The following ABLIM1 variants were observed in gnomAD, a reference collection of about 807,000 sequenced individuals.
The protein encoded by ABLIM1 is actin binding LIM protein 1.
A neutral mutation model predicts 107.0 loss-of-function variants in ABLIM1; 40 were observed. That is an observed-to-expected ratio of 0.37 (90% CI 0.29 to 0.49). The LOEUF is 0.49. Ranked by LOEUF, ABLIM1 falls within the 20% of genes least tolerant of loss-of-function variation. The probability of loss-of-function intolerance (pLI) is 0.97; values close to 1 mark genes in which losing one functional copy is unlikely to be tolerated. For missense variants in ABLIM1, 857 were observed against 1,008.5 expected, an observed-to-expected ratio of 0.85 and a Z score of 2.04; for synonymous variants, 357 against 357.3, an observed-to-expected ratio of 1.00 and a Z score of 0.01.
chr10:114,632,313 C>T (rs984164794), intron 1 of ABLIM1: 34 of 985,326 alleles, frequency 3.5e-5, no homozygotes, highest in Non-Finnish European at 4.0e-5. Context: ...CGAACGCTGG[C>T]CCCCTCCCAC....
At chr10:114,685,818 G>A (rs542616065), upstream of ABLIM1, among the ~76,000 whole-genome samples, 34 of 152,312 alleles carry the variant, frequency 2.2e-4, no homozygotes, top group African/African-American at 7.7e-4. Flanking sequence ...TTTTTTGTTA[G>A]TGTCTTGGGA....
At chr10:114,700,002 T>G (rs2081276394) in intron 1 of ABLIM1, among the ~76,000 whole-genome samples, 1 of 152,172 alleles carries the variant, frequency 6.6e-6, no homozygotes, top group Non-Finnish European at 1.5e-5. Flanking sequence ...CTCACTATGT[T>G]GTCCAAGCTG....
chr10:114,512,634 G>A (rs1021011960), intron 6 of ABLIM1, among the ~76,000 whole-genome samples: 2 of 152,116 alleles, frequency 1.3e-5, no homozygotes, highest in African/African-American at 4.8e-5. Flanking sequence ...AGACCAGCCT[G>A]GGCAACATGA....
chr10:114,645,227 CAA>C (rs1488516252), intron 1 of ABLIM1, among the ~76,000 whole-genome samples: 9 of 152,138 alleles, frequency 5.9e-5, no homozygotes, highest in Admixed American at 5.9e-4. Flanking sequence ...AAGCAGCTAT[CAA>C]ACAATGGTGA....
chr10:114,675,093 GATGTTCCCT>G (rs1048026401), intron 1 of ABLIM1, among the ~76,000 whole-genome samples: 21 of 152,088 alleles, frequency 1.4e-4, no homozygotes, highest in African/African-American at 4.3e-4. Flanking sequence ...CTATGTCCCA[GATGTTCCCT>G]ATGTTCCCTA....
intron 12 of ABLIM1, among the ~76,000 whole-genome samples, chr10:114,455,874 G>A (rs1363958626): frequency 1.3e-5 from 2 of 150,142 alleles, no homozygotes; most frequent in Admixed American, 1.3e-4. Context: ...GTGCAGTGGC[G>A]CGATCTTGGC....
At chr10:114,518,306 T>C (rs1276549661) in intron 6 of ABLIM1, among the ~76,000 whole-genome samples, 1 of 151,784 alleles carries the variant, frequency 6.6e-6, no homozygotes, top group East Asian at 1.9e-4. Context: ...CCTCTGGGAG[T>C]GGGTTTTTTT....
At chr10:114,796,233 T>C in the ABLIM1 span, among the ~76,000 whole-genome samples, 10 of 152,202 alleles carry the variant, frequency 6.6e-5, no homozygotes, top group Admixed American at 3.3e-4. Flanking sequence ...TTTCTGTGGG[T>C]TGGGAATTCA....
upstream of ABLIM1, among the ~76,000 whole-genome samples, chr10:114,686,964 T>C (rs2080955666): frequency 6.6e-6 from 1 of 152,140 alleles, no homozygotes; most frequent in South Asian, 2.1e-4. Flanking sequence ...CAATGGAGCT[T>C]ATACCATGTC....
chr10:114,615,815 G>GA lies in ABLIM1; in HGVS notation c.245-13855dup, dbSNP rs535466258. 6.2e-3 allele frequency among the ~76,000 whole-genome samples: 789 copies of GA among 127,790 alleles called. 6 individuals are homozygous for GA. The highest frequency in any genetic ancestry group is 7.6e-3 in the Middle Eastern group (2 of 262). 83.8% of individuals were successfully genotyped at this position (127,790 alleles called of 152,430 possible). A position where few individuals can be genotyped will look rare whatever the true frequency, so the allele number is the denominator to read the frequency against. On this transcript the variant is annotated intron_variant, in intron 1 of 22. Transcript: ENST00000533213. Reference sequence around the variant, plus strand: ...AAGACTCATTTAAGTCTCTGACTCAGAAAAAAAAAAAAAACAGCTGAAGGA... The same window carrying GA: ...AAGACTCATTTAAGTCTCTGACTCAGAAAAAAAAAAAAAAACAGCTGAAGGA...
chr10:114,640,794 T>C (rs938192505), intron 1 of ABLIM1, among the ~76,000 whole-genome samples: 17 of 152,136 alleles, frequency 1.1e-4, no homozygotes, highest in Admixed American at 1.0e-3. Flanking sequence ...TGACATTAAA[T>C]AGAAAATAAG....
At chr10:114,664,559 T>TTTTA (rs1566202198) in intron 1 of ABLIM1, among the ~76,000 whole-genome samples, 3 of 151,956 alleles carry the variant, frequency 2.0e-5, no homozygotes, top group Non-Finnish European at 4.4e-5. Context: ...ATTTTATTTT[T>TTTTA]TTTTGAGAAG....
intron 2 of ABLIM1, among the ~76,000 whole-genome samples, chr10:114,588,910 G>C (rs1189120611): frequency 6.6e-6 from 1 of 151,950 alleles, no homozygotes; most frequent in Non-Finnish European, 1.5e-5. Flanking sequence ...GTCCAACAAA[G>C]CAGTGGTTCT....
chr10:114,520,712 T>G (rs913611219), intron 6 of ABLIM1, among the ~76,000 whole-genome samples: 2 of 152,058 alleles, frequency 1.3e-5, no homozygotes, highest in Non-Finnish European at 2.9e-5. Context: ...GCTTCATGCC[T>G]GTAATCCCAG....
intron 1 of ABLIM1, among the ~76,000 whole-genome samples, chr10:114,665,952 A>C (rs939988814): frequency 1.3e-5 from 2 of 152,268 alleles, no homozygotes; most frequent in African/African-American, 4.8e-5. Flanking sequence ...GTTCACAGTT[A>C]TAGAAGGTTT....
At chr10:114,438,309 G>A (rs985006369) in intron 21 of ABLIM1, among the ~76,000 whole-genome samples, 10 of 152,190 alleles carry the variant, frequency 6.6e-5, no homozygotes, top group Non-Finnish European at 1.2e-4. Flanking sequence ...TGCCCAGGCT[G>A]GATGCAGTGG....
chr10:114,721,606 C>T (rs903900923), intron 1 of ABLIM1, among the ~76,000 whole-genome samples: 5 of 152,040 alleles, frequency 3.3e-5, no homozygotes, highest in African/African-American at 4.8e-5. Context: ...CTCAGCCTCC[C>T]GAGTAGCTGA....
At chr10:114,665,477 G>A (rs537113911) in intron 1 of ABLIM1, among the ~76,000 whole-genome samples, 15 of 152,354 alleles carry the variant, frequency 9.8e-5, no homozygotes, top group African/African-American at 3.4e-4. Flanking sequence ...CACACAAGTT[G>A]ATGGGAAGGA....
At chr10:114,708,298 T>A (rs2081469359) in intron 1 of ABLIM1, among the ~76,000 whole-genome samples, 1 of 152,182 alleles carries the variant, frequency 6.6e-6, no homozygotes, top group African/African-American at 2.4e-5. Context: ...TGAAGGCCAT[T>A]ATGAATCTCT....
Sources: gnomAD v4.1 joint callset for allele counts (sites outside exome capture counted in the v4.1 genomes callset) on GRCh38, gnomAD v4.1.1 for gene constraint, MANE v1.5 for transcripts, NCBI Gene and HGNC (gene_info 2026-07-23, HGNC 2026-07-21) for gene names.